Variants in DMD observed in about 807,000 individuals in gnomAD.
The protein encoded by DMD is dystrophin.
A neutral mutation model predicts 330.1 loss-of-function variants in DMD; 63 were observed. The observed-to-expected ratio is 0.19, with a 90% CI of 0.16 to 0.24. The LOEUF is 0.24. Among genes scored for constraint, DMD ranks in the 10% least tolerant of loss-of-function variants. The probability of loss-of-function intolerance (pLI) is 1.00; values close to 1 mark genes in which losing one functional copy is unlikely to be tolerated. For missense variants in DMD, 3,344 were observed against 2,684.1 expected, an observed-to-expected ratio of 1.25 and a Z score of -5.43; for synonymous variants, 1,223 against 959.8, an observed-to-expected ratio of 1.27 and a Z score of -5.07.
chrX:32,675,252 A>AT (rs1357639366), intron 9 of DMD, among the ~76,000 whole-genome samples: 2 of 111,134 alleles, frequency 1.8e-5, no homozygotes, highest in Non-Finnish European at 3.8e-5. Context: ...TTAATGCACC[A>AT]TTTTTTCACA....
chrX:32,256,332 T>A (rs755185971), intron 43 of DMD, among the ~76,000 whole-genome samples: 71 of 110,157 alleles, frequency 6.4e-4, no homozygotes, highest in Admixed American at 1.8e-3. Flanking sequence ...TTATTTTTTT[T>A]AATTTTTTAT....
At chrX:32,181,687 A>T (rs1282782930) in intron 44 of DMD, among the ~76,000 whole-genome samples, 1 of 111,659 alleles carries the variant, frequency 9.0e-6, no homozygotes, top group South Asian at 3.8e-4. Context: ...TCGGAGGCAG[A>T]TCTACAGTGG....
intron 57 of DMD, among the ~76,000 whole-genome samples, chrX:31,485,057 T>C (rs2068685533): frequency 8.9e-6 from 1 of 112,288 alleles, no homozygotes; most frequent in African/African-American, 3.2e-5. Context: ...TAACAAAACA[T>C]AAAATCTCCC....
At chrX:32,189,320 A>C (rs2147560606) in intron 44 of DMD, among the ~76,000 whole-genome samples, 1 of 109,229 alleles carries the variant, frequency 9.2e-6, no homozygotes. Context: ...AAAATTTGAT[A>C]ATTTTTAACG....
intron 77 of DMD, among the ~76,000 whole-genome samples, chrX:31,132,312 T>A (rs1159542429): frequency 8.9e-6 from 1 of 112,478 alleles, no homozygotes; most frequent in Non-Finnish European, 1.9e-5. Context: ...CCATGTGGTA[T>A]CTAGCTTTAA....
rs1264100946 is a variant in DMD at position 33,086,089 on chromosome X, A to G, written c.32-65889T>C. Among the ~76,000 whole-genome samples the G allele has an allele frequency of 2.7e-5, 3 of 112,289 alleles. No individual in the cohort carries two copies. In the East Asian group the frequency reaches 8.4e-4, roughly 31 times the overall value. On this transcript the variant is annotated intron_variant, in intron 1 of 78. Coordinates refer to ENST00000357033, the MANE Select transcript of DMD (RefSeq NM_004006.3). ...GCAGTTCACAGAAGGCCTGAAGCCT[A>G]GATGTAATCAATGACATAGCTGAAC...
chrX:31,764,034 GC>G (rs2089822064), intron 51 of DMD, among the ~76,000 whole-genome samples: 1 of 110,368 alleles, frequency 9.1e-6, no homozygotes, highest in African/African-American at 3.3e-5. Flanking sequence ...CACCATCACA[GC>G]CAGCTAACTT....
In DMD at chrX:33,064,897, AT is replaced by A. The variant is rs1297179295; in HGVS notation, c.32-44698del. Among the ~76,000 whole-genome samples, 5 of 111,399 alleles carry A rather than the reference AT, an allele frequency of 4.5e-5. No homozygotes were observed. In the East Asian group the frequency reaches 1.4e-3, roughly 31 times the overall value. On this transcript the variant is annotated intron_variant, in intron 1 of 78. Transcript: ENST00000357033. ...GAGAGAGACTTCATCTCAGAAAAAA[AT>A]AATAATAAAATAAAATAAAATAAAA... is the stretch of plus-strand genomic sequence containing the variant.
chrX:31,859,563 A>C (rs780689066), intron 48 of DMD, among the ~76,000 whole-genome samples: 118 of 112,323 alleles, frequency 1.1e-3, no homozygotes, highest in Non-Finnish European at 1.9e-3. Flanking sequence ...AAATTTTAAG[A>C]AGCATGGCTC....
At chrX:32,778,701 G>A (rs373864131) in intron 7 of DMD, among the ~76,000 whole-genome samples, 7 of 111,159 alleles carry the variant, frequency 6.3e-5, no homozygotes, top group Non-Finnish European at 1.1e-4. Flanking sequence ...TCTTCAAAGC[G>A]AACAACAGTA....
intron 56 of DMD, among the ~76,000 whole-genome samples, chrX:31,500,644 T>C (rs916762825): frequency 8.9e-6 from 1 of 112,372 alleles, no homozygotes; most frequent in Non-Finnish European, 1.9e-5. Flanking sequence ...ATGTGGAATA[T>C]CTCCTCCTGA....
intron 1 of DMD, among the ~76,000 whole-genome samples, chrX:33,120,512 AT>A (rs2095416383): frequency 9.0e-6 from 1 of 110,737 alleles, no homozygotes; most frequent in African/African-American, 3.3e-5. Flanking sequence ...GGAAAGAAAT[AT>A]GCGGCAGAAC....
intron 64 of DMD, among the ~76,000 whole-genome samples, chrX:31,222,407 A>C (rs2147061743): frequency 9.4e-6 from 1 of 106,160 alleles, no homozygotes; most frequent in East Asian, 2.9e-4. Flanking sequence ...AAAAAAAAAA[A>C]AAAAAAAAAA....
At chrX:31,432,507 A>T (rs996832227) in intron 60 of DMD, among the ~76,000 whole-genome samples, 1 of 112,725 alleles carries the variant, frequency 8.9e-6, no homozygotes, top group Non-Finnish European at 1.9e-5. Context: ...TAGTTTCGGA[A>T]GCAGTTTCAC....
intron 2 of DMD, among the ~76,000 whole-genome samples, chrX:32,857,741 G>A (rs2081700969): frequency 1.8e-5 from 2 of 111,368 alleles, no homozygotes; most frequent in African/African-American, 6.5e-5. Context: ...TTGGAGTACA[G>A]AATAAAACAT....
intron 21 of DMD, among the ~76,000 whole-genome samples, chrX:32,484,267 A>G (rs1277970469): frequency 2.7e-5 from 3 of 112,076 alleles, no homozygotes; most frequent in Non-Finnish European, 5.6e-5. Context: ...ATGAGTAGAG[A>G]TATTTTGGAG....
chrX:32,598,084 A>G (rs187974149), intron 12 of DMD, among the ~76,000 whole-genome samples: 80 of 112,170 alleles, frequency 7.1e-4, no homozygotes, highest in African/African-American at 2.4e-3. Flanking sequence ...ATGCATGAGC[A>G]TTTTTATCCT....
At chrX:32,944,046 T>A (rs1337854522) in intron 2 of DMD, among the ~76,000 whole-genome samples, 1 of 111,427 alleles carries the variant, frequency 9.0e-6, no homozygotes, top group African/African-American at 3.3e-5. Context: ...CCATTGTCTA[T>A]CATTCCACTC....
chrX:32,489,948 C>T (rs1016898145), intron 20 of DMD, among the ~76,000 whole-genome samples: 1 of 111,794 alleles, frequency 8.9e-6, no homozygotes, highest in Non-Finnish European at 1.9e-5. Flanking sequence ...ATTCTTTATC[C>T]AAAAGTATAC....
Sources: allele counts gnomAD v4.1 joint callset (sites outside exome capture counted in the v4.1 genomes callset), GRCh38; gene constraint gnomAD v4.1.1; transcripts MANE v1.5; gene names NCBI Gene and HGNC (gene_info 2026-07-23, HGNC 2026-07-21).